Variants in PPM1E observed in about 807,000 individuals in gnomAD.
PPM1E encodes the protein protein phosphatase, Mg2+/Mn2+ dependent 1E, also known as protein phosphatase 1E.
In PPM1E, 20 loss-of-function variants were observed where a neutral mutation model predicts 65.9. The observed-to-expected ratio is 0.30, with a 90% CI of 0.21 to 0.44. The LOEUF (loss-of-function observed/expected upper bound fraction) is 0.44. Ranked by LOEUF, PPM1E falls within the 20% of genes least tolerant of loss-of-function variation. The pLI is 1.00. For missense variants in PPM1E, 713 were observed against 953.1 expected (o/e 0.75, Z 3.32); for synonymous variants, 352 against 374.9 (o/e 0.94, Z 0.70).
chr17:58,884,646 G>A (rs1050329312), intron 1 of PPM1E, among the ~76,000 whole-genome samples: 2 of 152,146 alleles, frequency 1.3e-5, no homozygotes, highest in African/African-American at 4.8e-5. Flanking sequence ...TAGTAGTTGA[G>A]AGTGTGAGTT....
chr17:58,809,396 C>A (rs1384881639), intron 1 of PPM1E, among the ~76,000 whole-genome samples: 1 of 151,996 alleles, frequency 6.6e-6, no homozygotes, highest in African/African-American at 2.4e-5. Context: ...GCCAAATTAA[C>A]AAAATTTTTT....
intron 1 of PPM1E, among the ~76,000 whole-genome samples, chr17:58,880,076 AAGT>A (rs2051177488): frequency 6.6e-6 from 1 of 152,232 alleles, no homozygotes; most frequent in African/African-American, 2.4e-5. Context: ...TTGGACAAAA[AAGT>A]AGCTGTGAAA....
intron 1 of PPM1E, chr17:58,785,389 T>C: frequency 6.8e-6 from 1 of 146,936 alleles, no homozygotes; most frequent in Middle Eastern, 3.5e-3. Context: ...CACTGCAATC[T>C]TGAACTCCCA....
Position 58,980,814 on chromosome 17 carries a change from A to G in PPM1E, c.2051A>G (p.Asn684Ser), listed in dbSNP as rs142555673. The change falls in exon 7 of 7, where the codon AAT (asparagine) becomes AGT (serine). Residue 684 changes from asparagine (N) to serine (S), a missense_variant. By Grantham distance (46) the Asn-to-Ser change is conservative (BLOSUM62 1). Around this residue, in one of 6 missense-constraint regions of PPM1E, gnomAD observed 286 missense variants for 313.8 expected, o/e 0.91. Transcript: ENST00000308249. The surrounding 1 kb of genome is among the most constrained non-coding windows in gnomAD (Gnocchi z 4.7). The part of the protein sequence containing the change: ...YSKKWHRFRF[N>S]PKFYSFLSAQ... ...AAGAAGTGGCACAGATTCAGGTTTA[A>G]TCCAAAGTTTTATTCATTTCTCTCT... The G allele has an allele frequency of 5.1e-3, 8,307 of 1,614,204 alleles. 36 individuals carry two copies. The highest frequency in any genetic ancestry group is 6.8e-3 in the Middle Eastern group (41 of 6,062).
At chr17:58,865,437 GGCTCAT>G (rs1472817572) in intron 1 of PPM1E, among the ~76,000 whole-genome samples, 1 of 152,120 alleles carries the variant, frequency 6.6e-6, no homozygotes, top group Non-Finnish European at 1.5e-5. Flanking sequence ...CAGCCATGGT[GGCTCAT>G]GCCTGTAATC....
At chr17:58,974,149 T>C (rs1265736180) in intron 6 of PPM1E, among the ~76,000 whole-genome samples, 1 of 151,936 alleles carries the variant, frequency 6.6e-6, no homozygotes, top group Non-Finnish European at 1.5e-5. Flanking sequence ...CAAAAAATCA[T>C]AGTGTTTCTC....
chr17:58,816,772 ATATATATATATATATATATATATTT>A lies in PPM1E; in HGVS notation c.464+60313_464+60337del, dbSNP rs1337336753. ...TATATATATATATATATATATATAT[ATATATATATATATATATATATATTT>A]TTTTTTTTTTTTTTTTGAGACAGGG... On this transcript the variant is annotated intron_variant, in intron 1 of 6. Transcript: ENST00000308249. 2.4e-3 allele frequency among the ~76,000 whole-genome samples: 44 copies of A among 18,004 alleles called. 1 individual carries two copies. The highest frequency in any genetic ancestry group is 4.6e-3 in the African/African-American group (26 of 5,708). 11.8% of individuals were successfully genotyped at this position (18,004 alleles called of 152,430 possible). A position where few individuals can be genotyped will look rare whatever the true frequency, so the allele number is the denominator to read the frequency against.
In PPM1E at chr17:58,856,739, A is replaced by G. The variant is rs185707012; in HGVS notation, c.465-98910A>G. On this transcript the variant is annotated intron_variant, in intron 1 of 6. Transcript: ENST00000308249. ...AGACAGAGGGAAAAGATATCCATTT[A>G]TAAGCCAAACAGAGAGGCTTCAATA... Among the ~76,000 whole-genome samples the G allele has an allele frequency of 1.6e-3, 237 of 152,328 alleles. 1 individual carries two copies. The highest frequency in any genetic ancestry group is 5.6e-3 in the African/African-American group (231 of 41,562).
intron 1 of PPM1E, among the ~76,000 whole-genome samples, chr17:58,913,863 G>A (rs1197944902): frequency 6.6e-6 from 1 of 152,158 alleles, no homozygotes; most frequent in Admixed American, 6.5e-5. Flanking sequence ...CAACTGAAGA[G>A]GTTACAAATC....
At chr17:58,971,010 G>C (rs184801785) in intron 4 of PPM1E, among the ~76,000 whole-genome samples, 49 of 151,928 alleles carry the variant, frequency 3.2e-4, no homozygotes, top group African/African-American at 1.2e-3. Context: ...TACCTCATTT[G>C]TTTTGTCAGT....
At chr17:58,840,396 C>T (rs559715163) in intron 1 of PPM1E, among the ~76,000 whole-genome samples, 1 of 152,354 alleles carries the variant, frequency 6.6e-6, no homozygotes, top group African/African-American at 2.4e-5. Flanking sequence ...TAACAAGGAC[C>T]TACTTTTCAG....
At chr17:58,965,940 A>C in intron 3 of PPM1E, 47 bp downstream of exon 3, 1 of 1,551,692 alleles carries the variant, frequency 6.4e-7, no homozygotes, top group Non-Finnish European at 8.9e-7. Flanking sequence ...AGACAAAACA[A>C]ACACCTTCAT....
At chr17:58,814,489 T>G (rs2050397452) in intron 1 of PPM1E, among the ~76,000 whole-genome samples, 1 of 152,248 alleles carries the variant, frequency 6.6e-6, no homozygotes, top group Non-Finnish European at 1.5e-5. Context: ...ATTTGAAGGC[T>G]AACTTTGTCA....
At chr17:58,907,870 T>A (rs943608841) in intron 1 of PPM1E, among the ~76,000 whole-genome samples, 45 of 152,232 alleles carry the variant, frequency 3.0e-4, no homozygotes, top group African/African-American at 1.1e-3. Context: ...TCTATATGTG[T>A]CTTTATATTT....
intron 2 of PPM1E, among the ~76,000 whole-genome samples, chr17:58,960,517 G>A (rs1464150927): frequency 6.6e-6 from 1 of 152,158 alleles, no homozygotes; most frequent in Non-Finnish European, 1.5e-5. Context: ...GCTCATGCCT[G>A]TAATCCCAGC....
At chr17:58,956,564 G>GTA (rs1045050436) in intron 2 of PPM1E, among the ~76,000 whole-genome samples, 32 of 151,920 alleles carry the variant, frequency 2.1e-4, no homozygotes, top group African/African-American at 7.7e-4. Flanking sequence ...ATATCTACCA[G>GTA]TAAATAGAGC....
At chr17:58,785,085 T>G (rs1326494495) in intron 1 of PPM1E, among the ~76,000 whole-genome samples, 1 of 152,054 alleles carries the variant, frequency 6.6e-6, no homozygotes, top group Non-Finnish European at 1.5e-5. Flanking sequence ...TGTGTTCTCT[T>G]AAGAGTTGTA....
At chr17:58,953,543 AG>A (rs1167590728) in intron 1 of PPM1E, among the ~76,000 whole-genome samples, 1 of 152,212 alleles carries the variant, frequency 6.6e-6, no homozygotes, top group African/African-American at 2.4e-5. Context: ...GACCCAAACC[AG>A]GCCCCACCTT....
chr17:58,951,261 T>C (rs897849320), intron 1 of PPM1E: 1 of 151,486 alleles, frequency 6.6e-6, no homozygotes, highest in African/African-American at 2.4e-5. Flanking sequence ...AGTCCAGGAG[T>C]TCTGGCCTAT....
Sources: gnomAD v4.1 joint callset for allele counts (sites outside exome capture counted in the v4.1 genomes callset) on GRCh38, gnomAD v4.1.1 for gene constraint, gnomAD v4.1.1 regional missense constraint, Gnocchi (gnomAD v3.1) non-coding constraint, MANE v1.5 for transcripts, NCBI Gene and HGNC (gene_info 2026-07-23, HGNC 2026-07-21) for gene names.